Variants in CNTNAP5 observed in about 807,000 individuals in gnomAD.
The protein encoded by CNTNAP5 is contactin-associated protein-like 5.
In CNTNAP5, 72 loss-of-function variants were observed where a neutral mutation model predicts 150.2. The ratio of observed to expected loss-of-function variants is 0.48; its 90% CI spans 0.40 to 0.58. The LOEUF (loss-of-function observed/expected upper bound fraction) is 0.58. Among genes scored for constraint, CNTNAP5 ranks in the 20% least tolerant of loss-of-function variants. The pLI is 0.00. For missense variants in CNTNAP5, 1,636 were observed against 1,626.2 expected (o/e 1.01, Z -0.10); for synonymous variants, 672 against 619.8 (o/e 1.08, Z -1.25).
intron 13 of CNTNAP5, among the ~76,000 whole-genome samples, chr2:124,705,309 C>T (rs548479197): frequency 6.6e-6 from 1 of 152,206 alleles, no homozygotes; most frequent in Non-Finnish European, 1.5e-5. Context: ...AGGGGGATCA[C>T]CTGAGGTCAG....
intron 22 of CNTNAP5, among the ~76,000 whole-genome samples, chr2:124,908,774 C>T (rs1397801339): frequency 1.3e-5 from 2 of 152,092 alleles, no homozygotes; most frequent in Admixed American, 6.6e-5. Flanking sequence ...ATGATATTAA[C>T]ATCATGAATC....
chr2:124,188,596 G>A (rs1358352438), intron 1 of CNTNAP5, among the ~76,000 whole-genome samples: 2 of 151,474 alleles, frequency 1.3e-5, no homozygotes, highest in African/African-American at 4.8e-5. Context: ...GCGGGCGCCT[G>A]TAGTCCCAGC....
At chr2:124,709,468 T>G (rs1339608249) in intron 13 of CNTNAP5, among the ~76,000 whole-genome samples, 1 of 152,112 alleles carries the variant, frequency 6.6e-6, no homozygotes, top group African/African-American at 2.4e-5. Context: ...AAAATTTGTA[T>G]AACCAATTGA....
chr2:124,465,185 G>A (rs1489365977), intron 6 of CNTNAP5, among the ~76,000 whole-genome samples: 1 of 152,122 alleles, frequency 6.6e-6, no homozygotes, highest in Non-Finnish European at 1.5e-5. Flanking sequence ...GAAAAAGAGA[G>A]TGGTAGATTC....
chr2:124,746,828 A>G (rs777235903), intron 13 of CNTNAP5, among the ~76,000 whole-genome samples: 1 of 152,164 alleles, frequency 6.6e-6, no homozygotes, highest in African/African-American at 2.4e-5. Flanking sequence ...AACTTACTCA[A>G]TCGTGCCTGA....
intron 3 of CNTNAP5, among the ~76,000 whole-genome samples, chr2:124,356,076 G>C (rs1034110233): frequency 6.6e-6 from 1 of 152,010 alleles, no homozygotes; most frequent in Admixed American, 6.5e-5. Flanking sequence ...TCTAAGCCTT[G>C]GTAGTCATAT....
intron 3 of CNTNAP5, among the ~76,000 whole-genome samples, chr2:124,251,137 G>GGC (rs1687162993): frequency 6.6e-6 from 1 of 152,094 alleles, no homozygotes; most frequent in Non-Finnish European, 1.5e-5. Flanking sequence ...CTGCTGCTGT[G>GGC]GCTGCTCTTG....
intron 1 of CNTNAP5, among the ~76,000 whole-genome samples, chr2:124,207,466 G>A (rs750734406): frequency 6.6e-6 from 1 of 152,158 alleles, no homozygotes; most frequent in Non-Finnish European, 1.5e-5. Flanking sequence ...GATAGAAAAG[G>A]AAGGAAAAAT....
chr2:124,788,603 C>CTT (rs371311629), intron 17 of CNTNAP5, among the ~76,000 whole-genome samples: 8 of 136,320 alleles, frequency 5.9e-5, no homozygotes, highest in East Asian at 2.1e-4. Flanking sequence ...TTCTTTCTTT[C>CTT]TTTTTTTTTT....
At chr2:124,448,085 G>A (rs915540623) in intron 6 of CNTNAP5, among the ~76,000 whole-genome samples, 3 of 151,878 alleles carry the variant, frequency 2.0e-5, no homozygotes, top group Non-Finnish European at 4.4e-5. Context: ...TGGCTAACAT[G>A]GTGAAACCCC....
chr2:124,766,858 C>A (rs1681079845), intron 16 of CNTNAP5, among the ~76,000 whole-genome samples: 1 of 152,118 alleles, frequency 6.6e-6, no homozygotes, highest in Non-Finnish European at 1.5e-5. Flanking sequence ...TGACAAAAAT[C>A]AAAACCCACT....
intron 1 of CNTNAP5, among the ~76,000 whole-genome samples, chr2:124,049,260 C>T (rs17270902): frequency 0.076 from 11,569 of 152,206 alleles, 588 homozygotes; most frequent in Non-Finnish European, 0.11. Context: ...CTATTCATTG[C>T]CATCAGGAAG....
At chr2:124,031,140 T>TACAC (rs35707474) in intron 1 of CNTNAP5, among the ~76,000 whole-genome samples, 109 of 150,318 alleles carry the variant, frequency 7.3e-4, no homozygotes, top group East Asian at 5.7e-3. Context: ...CCGCTATACA[T>TACAC]ACACACACAC....
intron 12 of CNTNAP5, among the ~76,000 whole-genome samples, chr2:124,631,965 C>G (rs555222160): frequency 2.6e-5 from 4 of 152,262 alleles, no homozygotes; most frequent in African/African-American, 9.6e-5. Context: ...GAAAATAAAG[C>G]TCAACATCAC....
At chr2:124,478,833 C>T (rs1424702821) in intron 7 of CNTNAP5, among the ~76,000 whole-genome samples, 1 of 152,166 alleles carries the variant, frequency 6.6e-6, no homozygotes, top group African/African-American at 2.4e-5. Flanking sequence ...AATCAGGCAG[C>T]AAGAGTACGG....
chr2:124,535,549 G>A (rs1172399304), intron 10 of CNTNAP5, among the ~76,000 whole-genome samples: 1 of 149,668 alleles, frequency 6.7e-6, no homozygotes, highest in African/African-American at 2.5e-5. Flanking sequence ...GGATCACAAG[G>A]TCAGGACATC....
At chr2:124,843,447 T>C (rs181037559) in intron 19 of CNTNAP5, among the ~76,000 whole-genome samples, 1 of 152,310 alleles carries the variant, frequency 6.6e-6, no homozygotes, top group East Asian at 1.9e-4. Context: ...TCCATATTTT[T>C]GCAATTGCAA....
At chr2:124,656,507 T>C (rs545535473) in intron 13 of CNTNAP5, among the ~76,000 whole-genome samples, 1 of 152,342 alleles carries the variant, frequency 6.6e-6, no homozygotes, top group Non-Finnish European at 1.5e-5. Context: ...AGTAATTTAC[T>C]CTTGGTATTT....
At chr2:124,152,505 C>T (rs997002006) in intron 1 of CNTNAP5, among the ~76,000 whole-genome samples, 3 of 152,048 alleles carry the variant, frequency 2.0e-5, no homozygotes, top group African/African-American at 4.8e-5. Flanking sequence ...ATTCCTCTTA[C>T]GCACCAGAAT....
Sources: allele counts gnomAD v4.1 joint callset (sites outside exome capture counted in the v4.1 genomes callset), GRCh38; gene constraint gnomAD v4.1.1; transcripts MANE v1.5; gene names NCBI Gene and HGNC (gene_info 2026-07-23, HGNC 2026-07-21).